The following DOK6 variants were observed in gnomAD, a reference collection of about 807,000 sequenced individuals.
The protein encoded by DOK6 is downstream of tyrosine kinase 6.
Under a neutral mutation model 44.0 loss-of-function variants are expected in DOK6, and 22 were observed. That is an observed-to-expected ratio of 0.50 (90% CI 0.36 to 0.71). The LOEUF is 0.71. Among genes scored for constraint, DOK6 ranks in the 30% least tolerant of loss-of-function variants. The pLI, the probability that DOK6 is intolerant of heterozygous loss-of-function variation, is 0.00. For missense variants in DOK6, 340 were observed against 416.4 expected, an observed-to-expected ratio of 0.82 and a Z score of 1.60; for synonymous variants, 166 against 145.5, an observed-to-expected ratio of 1.14 and a Z score of -1.01.
chr18:69,505,491 C>CTTTTTTTTT (rs772908185), intron 1 of DOK6, among the ~76,000 whole-genome samples: 1 of 88,570 alleles, frequency 1.1e-5, no homozygotes, highest in African/African-American at 4.5e-5. Flanking sequence ...TACTCCCATT[C>CTTTTTTTTT]TTTTTTTTTT....
chr18:69,615,293 T>C (rs1439198493), intron 3 of DOK6, among the ~76,000 whole-genome samples: 1 of 152,178 alleles, frequency 6.6e-6, no homozygotes, highest in Non-Finnish European at 1.5e-5. Context: ...AGTACTTCAG[T>C]TTCAAGTGAT....
At chr18:69,488,611 T>C (rs1980649259) in intron 1 of DOK6, among the ~76,000 whole-genome samples, 1 of 152,120 alleles carries the variant, frequency 6.6e-6, no homozygotes, top group African/African-American at 2.4e-5. Flanking sequence ...CAAAGTCCTG[T>C]CTTACATGGC....
At chr18:69,759,736 CTGAT>C (rs1213219386) in intron 7 of DOK6, among the ~76,000 whole-genome samples, 16 of 152,124 alleles carry the variant, frequency 1.1e-4, no homozygotes, top group Non-Finnish European at 2.2e-4. Flanking sequence ...GATATAATAA[CTGAT>C]TGAAATACTC....
At position 69,440,745 on chromosome 18, in the gene DOK6, C is replaced by T. The variant is rs7504320; in HGVS notation, c.66+39435C>T. On this transcript the variant is annotated intron_variant, in intron 1 of 7. Transcript: ENST00000382713. ...CTTCTGTGATTTTTGTTCTTTTATA[C>T]ACACACAAACACACACACACACACA... is the stretch of plus-strand genomic sequence containing the variant. 3.8e-4 allele frequency among the ~76,000 whole-genome samples: 28 copies of T among 73,910 alleles called. No individual in the cohort carries two copies. In the South Asian group the frequency reaches 0.011, roughly 28 times the overall value. 48.5% of individuals were successfully genotyped at this position (73,910 alleles called of 152,430 possible). A position where few individuals can be genotyped will look rare whatever the true frequency, so the allele number is the denominator to read the frequency against.
chr18:69,684,672 G>A (rs1025913825), intron 4 of DOK6, among the ~76,000 whole-genome samples: 2 of 152,098 alleles, frequency 1.3e-5, no homozygotes, highest in Non-Finnish European at 2.9e-5. Flanking sequence ...GTAGTGACAC[G>A]TGCTTATATC....
intron 7 of DOK6, among the ~76,000 whole-genome samples, chr18:69,781,126 C>A (rs1245632723): frequency 6.6e-6 from 1 of 152,140 alleles, no homozygotes; most frequent in Non-Finnish European, 1.5e-5. Context: ...ATCTGCTTGT[C>A]TCCCTTTAAA....
chr18:69,838,204 G>T (rs1304625107), intron 7 of DOK6, among the ~76,000 whole-genome samples: 1 of 148,506 alleles, frequency 6.7e-6, no homozygotes, highest in Non-Finnish European at 1.5e-5. Context: ...AGCTGCCTCA[G>T]CATTTGTTCT....
chr18:69,527,315 A>G (rs574781906), intron 1 of DOK6, among the ~76,000 whole-genome samples: 17 of 152,340 alleles, frequency 1.1e-4, no homozygotes, highest in Non-Finnish European at 5.9e-5. Flanking sequence ...AAGAGGTTTA[A>G]TTGACTCACA....
At chr18:69,670,741 C>T (rs61038672) in intron 3 of DOK6, among the ~76,000 whole-genome samples, 2,767 of 152,088 alleles carry the variant, frequency 0.018, 80 homozygotes, top group African/African-American at 0.064. Flanking sequence ...ATCTCTTGAC[C>T]TCGTGATCCT....
Position 69,518,593 on chromosome 18 carries a change from G to T in DOK6, c.67-45894G>T, listed in dbSNP as rs537307076. 1.1e-4 allele frequency among the ~76,000 whole-genome samples: 16 copies of T among 149,766 alleles called. No homozygotes were observed. In the South Asian group the frequency reaches 3.2e-3, roughly 30 times the overall value. On this transcript the variant is annotated intron_variant, in intron 1 of 7. Transcript: ENST00000382713. Reference sequence around the variant, plus strand: ...GTCAATGACTGAGTTTAGAATTTTTGTATCAAAATTACATGAGATGGTAAC... The same window carrying T: ...GTCAATGACTGAGTTTAGAATTTTTTTATCAAAATTACATGAGATGGTAAC...
Position 69,847,822 on chromosome 18 carries a change from T to G in DOK6, c.*6439T>G, listed in dbSNP as rs934115347. ...TAGAGTGTGGGAGCTCCAACTTTGT[T>G]GTGAAAGCTGATAACAGAGTATGAT... is the stretch of plus-strand genomic sequence containing the variant. On this transcript the variant is annotated 3_prime_UTR_variant, in exon 8 of 8. Coordinates refer to ENST00000382713, the MANE Select transcript of DOK6 (RefSeq NM_152721.6). 2 of 151,994 alleles carry G rather than the reference T, an allele frequency of 1.3e-5. No homozygotes were observed. Among genetic ancestry groups the G allele is most frequent in the African/African-American group, 4.8e-5 (2 of 41,386 alleles). 9.4% of individuals were successfully genotyped at this position (151,994 alleles called of 1,614,324 possible).
intron 3 of DOK6, among the ~76,000 whole-genome samples, chr18:69,636,721 T>C (rs1984818535): frequency 6.6e-6 from 1 of 152,212 alleles, no homozygotes; most frequent in African/African-American, 2.4e-5. Context: ...GTATCACTCC[T>C]TGCAACTGTC....
chr18:69,613,684 G>C (rs538208167), intron 3 of DOK6, among the ~76,000 whole-genome samples: 2 of 152,096 alleles, frequency 1.3e-5, no homozygotes, highest in South Asian at 2.1e-4. Context: ...GAGTATAACT[G>C]TGTCAGCATA....
chr18:69,655,281 A>T (rs57246742), intron 3 of DOK6, among the ~76,000 whole-genome samples: 133 of 152,270 alleles, frequency 8.7e-4, no homozygotes, highest in African/African-American at 2.8e-3. Flanking sequence ...AATAAATATA[A>T]GAAAAAATAG....
intron 3 of DOK6, among the ~76,000 whole-genome samples, chr18:69,645,932 C>T (rs1301659100): frequency 1.3e-5 from 2 of 152,072 alleles, no homozygotes; most frequent in Admixed American, 6.6e-5. Context: ...CCACTACTGT[C>T]TTATTTTGTA....
chr18:69,700,190 A>ATATCAGTTAG (rs1284347609), intron 5 of DOK6, among the ~76,000 whole-genome samples: 1 of 109,144 alleles, frequency 9.2e-6, no homozygotes, highest in Non-Finnish European at 2.0e-5. Context: ...GAGTCAAACC[A>ATATCAGTTAG]TATCAGTTAG....
At chr18:69,498,527 T>C (rs1479245226) in intron 1 of DOK6, among the ~76,000 whole-genome samples, 3 of 152,226 alleles carry the variant, frequency 2.0e-5, no homozygotes, top group Admixed American at 2.0e-4. Context: ...AATTCAATTA[T>C]ATATGCTCAC....
intron 1 of DOK6, among the ~76,000 whole-genome samples, chr18:69,517,995 G>A (rs989563961): frequency 1.3e-5 from 2 of 151,940 alleles, no homozygotes; most frequent in South Asian, 4.2e-4. Context: ...GGAAAGGCAT[G>A]GCTTTTAACT....
intron 3 of DOK6, among the ~76,000 whole-genome samples, chr18:69,673,578 T>C (rs1329339895): frequency 6.6e-6 from 1 of 152,200 alleles, no homozygotes. Flanking sequence ...CCCATCATTT[T>C]CTCTGCAGTC....
Sources: allele counts gnomAD v4.1 joint callset (sites outside exome capture counted in the v4.1 genomes callset), GRCh38; gene constraint gnomAD v4.1.1; transcripts MANE v1.5; gene names NCBI Gene and HGNC (gene_info 2026-07-23, HGNC 2026-07-21).